The following RSPH14 variants were observed in gnomAD, a reference collection of about 807,000 sequenced individuals.
RSPH14 encodes rhabdoid tumor deletion region gene 1.
In RSPH14, 20 loss-of-function variants were observed where a neutral mutation model predicts 26.7. That is an observed-to-expected ratio of 0.75 (90% confidence interval 0.53 to 1.09). The LOEUF (loss-of-function observed/expected upper bound fraction) is 1.09, where lower values mean the gene tolerates loss of function less well. Ranked by LOEUF, RSPH14 falls within the 50% of genes least tolerant of loss-of-function variation. RSPH14 has a pLI of 0.00. For synonymous variants in RSPH14, 177 were observed against 189.3 expected, an observed-to-expected ratio of 0.93 and a Z score of 0.53; for missense variants, 449 against 457.2, an observed-to-expected ratio of 0.98 and a Z score of 0.16.
the RSPH14 span, chr22:23,152,671 A>G: frequency 2.5e-6 from 2 of 796,112 alleles, no homozygotes; most frequent in South Asian, 1.6e-5. Context: ...GGAGCCGGAT[A>G]AGAGGGGGTG....
the RSPH14 span, chr22:23,163,942 T>A: frequency 6.6e-6 from 1 of 152,228 alleles, no homozygotes; most frequent in Non-Finnish European, 1.5e-5. Flanking sequence ...CATTTGACCC[T>A]CCCCATCCGC....
intron 4 of RSPH14, chr22:23,096,565 C>T: frequency 1.2e-6 from 1 of 820,828 alleles, no homozygotes. Flanking sequence ...TGAGGCAGCT[C>T]CAGCAAGGTG....
At chr22:23,108,105 T>C (rs888012853) in intron 4 of RSPH14, among the ~76,000 whole-genome samples, 3 of 152,180 alleles carry the variant, frequency 2.0e-5, no homozygotes, top group Non-Finnish European at 4.4e-5. Flanking sequence ...GGTGCATCTG[T>C]GCAGAAGGGT....
intron 4 of RSPH14, among the ~76,000 whole-genome samples, chr22:23,098,892 C>T (rs2146325495): frequency 6.6e-6 from 1 of 152,378 alleles, no homozygotes; most frequent in Non-Finnish European, 1.5e-5. Context: ...CTGGCACGGG[C>T]TGGCACAGGG....
rs370277978 is a variant in RSPH14, at chr22:23,066,560, T to TAA, written c.422-2429_422-2428dup. 5.1e-3 allele frequency among the ~76,000 whole-genome samples: 784 copies of TAA among 152,240 alleles called. 5 individuals are homozygous for TAA. The highest frequency in any genetic ancestry group is 8.2e-3 in the Non-Finnish European group (560 of 68,016). On this transcript the variant is annotated intron_variant, in intron 4 of 6. Transcript: ENST00000216036. Reference sequence around the variant, plus strand: ...TGAGACAGAGGGAGAAGATTAAAAATAAAACGCGTGCCGGGTGTGCCTTTC... The same window carrying TAA: ...TGAGACAGAGGGAGAAGATTAAAAATAAAAAACGCGTGCCGGGTGTGCCTTTC...
upstream of RSPH14, among the ~76,000 whole-genome samples, chr22:23,142,360 G>C (rs939883765): frequency 2.6e-5 from 4 of 151,962 alleles, no homozygotes; most frequent in African/African-American, 9.7e-5. Flanking sequence ...CTTTCACGCA[G>C]GCTGGAGTGC....
the RSPH14 span, among the ~76,000 whole-genome samples, chr22:23,167,711 A>T: frequency 2.0e-3 from 291 of 145,756 alleles, 1 homozygote; most frequent in African/African-American, 7.1e-3. Context: ...TAATTAATTT[A>T]TTTTTTTTTT....
chr22:23,096,916 C>T (rs937022757), intron 4 of RSPH14, among the ~76,000 whole-genome samples: 1 of 152,174 alleles, frequency 6.6e-6, no homozygotes, highest in Non-Finnish European at 1.5e-5. Context: ...GGGCGCAGCC[C>T]GAGGGAGACC....
chr22:23,064,191 C>G, intron 4 of RSPH14, 58 bp from the exon 5 acceptor site: 1 of 1,536,376 alleles, frequency 6.5e-7, no homozygotes, highest in Non-Finnish European at 9.0e-7. Flanking sequence ...CCACCCATGC[C>G]AGTTGGCCTG....
rs534326827 is a variant in RSPH14 at position 23,117,391 on chromosome 22, G to A, written c.421+16635C>T. Among the ~76,000 whole-genome samples the A allele has an allele frequency of 2.6e-3, 390 of 152,354 alleles. 3 individuals are homozygous for A. The highest frequency in any genetic ancestry group is 4.5e-3 in the Non-Finnish European group (304 of 68,028). ...CCACAGGAGCCTCCCAAAGAGCCAG[G>A]CTGACCTGGGCCCTGTGGCCAGCAA... On this transcript the variant is annotated intron_variant, in intron 4 of 6. Coordinates refer to ENST00000216036, the MANE Select transcript of RSPH14 (RefSeq NM_014433.3).
chr22:23,163,699 A>G, the RSPH14 span: 1 of 151,756 alleles, frequency 6.6e-6, no homozygotes, highest in African/African-American at 2.4e-5. Flanking sequence ...GAGAGCAGGA[A>G]AGACTGTTAG....
At chr22:23,159,240 G>T in the RSPH14 span, 2 of 1,595,474 alleles carry the variant, frequency 1.3e-6, no homozygotes, top group African/African-American at 2.7e-5. Flanking sequence ...ACTGGTCAGT[G>T]TCGGCCAAGA....
chr22:23,072,265 A>G (rs1210008466), intron 4 of RSPH14, among the ~76,000 whole-genome samples: 1 of 152,100 alleles, frequency 6.6e-6, no homozygotes, highest in Non-Finnish European at 1.5e-5. Context: ...TGAGAGCAGT[A>G]ATCGTGGCAG....
intron 4 of RSPH14, among the ~76,000 whole-genome samples, chr22:23,098,133 CT>C (rs1202694377): frequency 1.3e-5 from 2 of 152,268 alleles, no homozygotes; most frequent in African/African-American, 4.8e-5. Flanking sequence ...TTGGCTCTTA[CT>C]GGCCTGTGCC....
chr22:23,069,893 G>A (rs938349481), intron 4 of RSPH14, among the ~76,000 whole-genome samples: 1 of 152,176 alleles, frequency 6.6e-6, no homozygotes, highest in Admixed American at 6.5e-5. Flanking sequence ...AGGTCAGTCG[G>A]TTGCCCAAGG....
chr22:23,108,314 C>A (rs1456784310), intron 4 of RSPH14, among the ~76,000 whole-genome samples: 13 of 152,364 alleles, frequency 8.5e-5, no homozygotes, highest in African/African-American at 2.9e-4. Flanking sequence ...AGAACAGGGG[C>A]CAATGGTGCT....
At chr22:23,149,577 A>ATGT (rs1467777881), upstream of RSPH14, among the ~76,000 whole-genome samples, 6 of 152,214 alleles carry the variant, frequency 3.9e-5, no homozygotes, top group Non-Finnish European at 7.3e-5. Flanking sequence ...TCACTCTGTC[A>ATGT]CCCAAGTTGG....
the RSPH14 span, chr22:23,162,955 AG>A: frequency 3.0e-6 from 1 of 338,632 alleles, no homozygotes; most frequent in Non-Finnish European, 5.8e-6. Flanking sequence ...CTTGTTGCCC[AG>A]GCTGGAGTGC....
rs2068051369 is a variant in RSPH14, at chr22:23,059,725, GC to G, written c.791-8del. 3 of 1,514,462 alleles carry G rather than the reference GC, an allele frequency of 2.0e-6. No homozygotes were observed. The South Asian group carries it at 3.9e-5, about 20-fold the overall frequency. 93.8% of individuals were successfully genotyped at this position (1,514,462 alleles called of 1,614,324 possible). ...TCCAGGGCCGCATACTTCCCTGCAG[GC>G]CACCAACACAAGGCGTTCCAAACAG... On this transcript the variant is annotated splice_polypyrimidine_tract_variant and splice_region_variant and intron_variant, in intron 6 of 6. Coordinates refer to ENST00000216036, the MANE Select transcript of RSPH14 (RefSeq NM_014433.3).
Sources: allele counts gnomAD v4.1 joint callset (sites outside exome capture counted in the v4.1 genomes callset), GRCh38; gene constraint gnomAD v4.1.1; transcripts MANE v1.5; gene names NCBI Gene and HGNC (gene_info 2026-07-23, HGNC 2026-07-21).